Variants in LAMA2 observed in about 807,000 individuals in gnomAD.
LAMA2 encodes the protein laminin subunit alpha-2.
In LAMA2, 269 loss-of-function variants were observed where a neutral mutation model predicts 364.8. That is an observed-to-expected ratio of 0.74 (90% CI 0.67 to 0.82). The LOEUF (loss-of-function observed/expected upper bound fraction) is 0.82, where lower values mean the gene tolerates loss of function less well. Among genes scored for constraint, LAMA2 ranks in the 40% least tolerant of loss-of-function variants. LAMA2 has a pLI of 0.00. For missense variants in LAMA2, 3,807 were observed against 3,873.2 expected (o/e 0.98, Z 0.45); for synonymous variants, 1,379 against 1,370.6 (o/e 1.01, Z -0.14).
chr6:129,515,750 G>GTA (rs1199212255), intron 64 of LAMA2, among the ~76,000 whole-genome samples: 1 of 152,170 alleles, frequency 6.6e-6, no homozygotes, highest in Admixed American at 6.5e-5. Flanking sequence ...GTCTTAAGAT[G>GTA]TATAATTCTA....
intron 1 of LAMA2, among the ~76,000 whole-genome samples, chr6:128,889,325 T>A (rs1276716673): frequency 2.6e-5 from 4 of 152,166 alleles, no homozygotes; most frequent in Non-Finnish European, 5.9e-5. Context: ...GATGTATTGA[T>A]CTGATGATTT....
At chr6:128,960,226 T>C (rs1162510837) in intron 1 of LAMA2, among the ~76,000 whole-genome samples, 2 of 152,170 alleles carry the variant, frequency 1.3e-5, no homozygotes, top group African/African-American at 2.4e-5. Context: ...CATTATTAAT[T>C]ATTTAACAAT....
At chr6:129,508,249 G>T (rs552415892) in intron 62 of LAMA2, among the ~76,000 whole-genome samples, 1 of 152,080 alleles carries the variant, frequency 6.6e-6, no homozygotes, top group East Asian at 1.9e-4. Context: ...ATTTTTGTGG[G>T]TACACAGTGG....
chr6:129,361,952 T>G lies in LAMA2; in HGVS notation c.4718-4267T>G, dbSNP rs1406046595. On this transcript the variant is annotated intron_variant, in intron 32 of 64. Coordinates refer to ENST00000421865, the MANE Select transcript of LAMA2 (RefSeq NM_000426.4). Reference sequence around the variant, plus strand: ...GCACATGCCACCACACCTGGCTAATTTTTGTATTTTTAGTAGAGATGGGGT... The same window carrying G: ...GCACATGCCACCACACCTGGCTAATGTTTGTATTTTTAGTAGAGATGGGGT... 2.0e-5 allele frequency among the ~76,000 whole-genome samples: 3 copies of G among 151,724 alleles called. No individual in the cohort carries two copies. The East Asian group carries it at 5.9e-4, about 30-fold the overall frequency.
chr6:129,193,231 C>T (rs929527993), intron 12 of LAMA2, among the ~76,000 whole-genome samples: 2 of 152,132 alleles, frequency 1.3e-5, no homozygotes, highest in Non-Finnish European at 2.9e-5. Context: ...TTTTTCTCAT[C>T]GGTTTCTATT....
intron 12 of LAMA2, among the ~76,000 whole-genome samples, chr6:129,226,119 G>C (rs1362896028): frequency 6.6e-6 from 1 of 152,072 alleles, no homozygotes; most frequent in Non-Finnish European, 1.5e-5. Context: ...GATCTTTGTT[G>C]GTTTAATGTC....
intron 1 of LAMA2, among the ~76,000 whole-genome samples, chr6:128,925,497 G>A (rs984738747): frequency 1.3e-5 from 2 of 152,170 alleles, no homozygotes; most frequent in African/African-American, 2.4e-5. Context: ...ACTAGCGGCT[G>A]CAGGGAGAGA....
At chr6:129,460,126 A>G (rs1172297180) in intron 48 of LAMA2, 74 bp from the exon 49 acceptor site, 1 of 1,401,850 alleles carries the variant, frequency 7.1e-7, no homozygotes, top group African/African-American at 1.4e-5. Flanking sequence ...TCTGCTGATA[A>G]TAACTCTCAT....
intron 3 of LAMA2, among the ~76,000 whole-genome samples, chr6:129,062,907 A>G (rs962527978): frequency 1.5e-5 from 2 of 129,546 alleles, no homozygotes; most frequent in African/African-American, 6.3e-5. Flanking sequence ...TATAGATTAC[A>G]GTGGGTTTTT....
intron 39 of LAMA2, among the ~76,000 whole-genome samples, chr6:129,403,543 A>C (rs1268767343): frequency 6.6e-6 from 1 of 152,218 alleles, no homozygotes; most frequent in Non-Finnish European, 1.5e-5. Flanking sequence ...GTCTCATATC[A>C]CACACCTGCT....
intron 12 of LAMA2, among the ~76,000 whole-genome samples, chr6:129,224,631 T>G (rs1244860096): frequency 6.6e-6 from 1 of 152,220 alleles, no homozygotes; most frequent in Non-Finnish European, 1.5e-5. Flanking sequence ...TATGCTGGAT[T>G]ACGTTTATTG....
At chr6:129,192,542 A>G (rs1291733374) in intron 11 of LAMA2, 138 bp from the exon 12 acceptor site, 1 of 718,340 alleles carries the variant, frequency 1.4e-6, no homozygotes, top group Non-Finnish European at 2.4e-6. Context: ...CATAATGCTC[A>G]GGTTTTTTTC....
intron 1 of LAMA2, among the ~76,000 whole-genome samples, chr6:128,904,651 G>T (rs576461490): frequency 6.6e-6 from 1 of 152,014 alleles, no homozygotes; most frequent in Admixed American, 6.6e-5. Context: ...TAGGGATGGG[G>T]TTTCACTATG....
intron 56 of LAMA2, among the ~76,000 whole-genome samples, chr6:129,488,753 G>A (rs1382288586): frequency 1.3e-5 from 2 of 152,178 alleles, no homozygotes; most frequent in Non-Finnish European, 2.9e-5. Flanking sequence ...AGGTTAAAAT[G>A]CAATCTACTC....
chr6:128,900,446 G>A (rs1054190481), intron 1 of LAMA2, among the ~76,000 whole-genome samples: 3 of 152,106 alleles, frequency 2.0e-5, no homozygotes, highest in Admixed American at 6.5e-5. Context: ...TAGAAAAATA[G>A]AAAAGGAAGA....
At position 129,447,072 on chromosome 6, in the gene LAMA2, G is replaced by C. The variant is rs1782421691; in HGVS notation, c.6429+1251G>C. On this transcript the variant is annotated intron_variant, in intron 45 of 64. Coordinates refer to ENST00000421865, the MANE Select transcript of LAMA2 (RefSeq NM_000426.4). ...GAAACCAGATGTTACTTCAAGGTTT[G>C]AAGTTTTATGTAAGATTTAGCCAAC... Among the ~76,000 whole-genome samples, 3 of 152,192 alleles carry C rather than the reference G, an allele frequency of 2.0e-5. No individual in the cohort carries two copies. In the South Asian group the frequency reaches 6.2e-4, roughly 32 times the overall value.
At chr6:129,402,527 G>A (rs1780040475) in intron 39 of LAMA2, 40 bp downstream of exon 39, 2 of 1,593,960 alleles carry the variant, frequency 1.3e-6, no homozygotes, top group Non-Finnish European at 1.7e-6. Context: ...GTATTTTGAT[G>A]CTTGTCCAAA....
intron 45 of LAMA2, among the ~76,000 whole-genome samples, chr6:129,449,171 G>A (rs1166800683): frequency 1.3e-5 from 2 of 152,202 alleles, no homozygotes; most frequent in East Asian, 3.8e-4. Context: ...GGTAATCCAA[G>A]AGTATTTTCT....
chr6:129,118,409 G>T (rs1470479975), intron 4 of LAMA2, among the ~76,000 whole-genome samples: 2 of 152,106 alleles, frequency 1.3e-5, no homozygotes, highest in East Asian at 1.9e-4. Context: ...GTTGGTTTAC[G>T]ATTCCTTCTT....
Sources: gnomAD v4.1 joint callset for allele counts (sites outside exome capture counted in the v4.1 genomes callset) on GRCh38, gnomAD v4.1.1 for gene constraint, MANE v1.5 for transcripts, NCBI Gene and HGNC (gene_info 2026-07-23, HGNC 2026-07-21) for gene names.